Variants in HCN1 observed in about 807,000 individuals in gnomAD.
The protein encoded by HCN1 is potassium/sodium hyperpolarization-activated cyclic nucleotide-gated channel 1.
Under a neutral mutation model 78.9 loss-of-function variants are expected in HCN1, and 13 were observed. That is an observed-to-expected ratio of 0.16 (90% CI 0.11 to 0.26). The LOEUF (loss-of-function observed/expected upper bound fraction) is 0.26. Ranked by LOEUF, HCN1 falls within the 10% of genes least tolerant of loss-of-function variation. The pLI, the probability that HCN1 is intolerant of heterozygous loss-of-function variation, is 1.00. For missense variants in HCN1, 810 were observed against 1,154.3 expected (o/e 0.70, Z 4.32); for synonymous variants, 552 against 455.5 (o/e 1.21, Z -2.70).
intron 5 of HCN1, among the ~76,000 whole-genome samples, chr5:45,329,666 T>C (rs1015451662): frequency 1.3e-5 from 2 of 151,458 alleles, no homozygotes; most frequent in Non-Finnish European, 3.0e-5. Context: ...ATATGGGGAA[T>C]AGGTATTTTG....
intron 3 of HCN1, among the ~76,000 whole-genome samples, chr5:45,421,229 AT>A (rs753838182): frequency 6.6e-6 from 1 of 151,942 alleles, no homozygotes; most frequent in African/African-American, 2.4e-5. Context: ...AGCCCGTCTA[AT>A]TTTTTGTATT....
intron 5 of HCN1, among the ~76,000 whole-genome samples, chr5:45,348,203 G>A (rs962374908): frequency 6.6e-6 from 1 of 152,160 alleles, no homozygotes; most frequent in African/African-American, 2.4e-5. Context: ...AGAGTGGGGG[G>A]CCAGTATTCA....
intron 2 of HCN1, among the ~76,000 whole-genome samples, chr5:45,477,883 A>C (rs1741552817): frequency 6.6e-6 from 1 of 152,176 alleles, no homozygotes; most frequent in Non-Finnish European, 1.5e-5. Context: ...CCATTTTTCT[A>C]CAAGCATAGT....
rs117906573 is a variant in HCN1, at chr5:45,452,848, A to G, written c.1011+8998T>C. On this transcript the variant is annotated intron_variant, in intron 3 of 7. Transcript: ENST00000303230. The stretch of plus-strand genomic sequence containing the variant: ...TCTCTAAAAACAACAAACACTTCAA[A>G]AAAAATGATGGGTTATACAATGGGG... Among the ~76,000 whole-genome samples, 113 of 152,176 alleles carry G rather than the reference A, an allele frequency of 7.4e-4. 2 individuals carry two copies. The East Asian group carries it at 0.019, about 25-fold the overall frequency.
intron 2 of HCN1, among the ~76,000 whole-genome samples, chr5:45,551,329 C>G (rs1200804143): frequency 1.3e-5 from 2 of 151,114 alleles, no homozygotes; most frequent in Non-Finnish European, 3.0e-5. Flanking sequence ...AATGTCATAT[C>G]AAGCACATGA....
At chr5:45,381,201 T>A (rs954086091) in intron 4 of HCN1, among the ~76,000 whole-genome samples, 1 of 152,146 alleles carries the variant, frequency 6.6e-6, no homozygotes, top group Non-Finnish European at 1.5e-5. Context: ...AAGATACTTT[T>A]GAAAATAATT....
At chr5:45,345,642 T>A (rs1746686752) in intron 5 of HCN1, among the ~76,000 whole-genome samples, 1 of 152,190 alleles carries the variant, frequency 6.6e-6, no homozygotes, top group African/African-American at 2.4e-5. Context: ...TTTGCTCCAG[T>A]TCCTAACAAG....
At chr5:45,591,912 T>C (rs1458024900) in intron 2 of HCN1, among the ~76,000 whole-genome samples, 7 of 152,194 alleles carry the variant, frequency 4.6e-5, no homozygotes, top group Non-Finnish European at 1.0e-4. Context: ...AGGAGTTTTA[T>C]AGTTTTGTAT....
At chr5:45,381,332 C>T (rs1043027070) in intron 4 of HCN1, among the ~76,000 whole-genome samples, 1 of 152,084 alleles carries the variant, frequency 6.6e-6, no homozygotes, top group African/African-American at 2.4e-5. Context: ...TCTAGGGTCT[C>T]TCTCTTCTAT....
At chr5:45,591,233 T>C (rs547638731) in intron 2 of HCN1, among the ~76,000 whole-genome samples, 94 of 152,338 alleles carry the variant, frequency 6.2e-4, no homozygotes, top group African/African-American at 2.2e-3. Context: ...TTATAAACAT[T>C]TGTGTGCAGA....
chr5:45,516,691 A>C (rs1332304519), intron 2 of HCN1, among the ~76,000 whole-genome samples: 1 of 151,918 alleles, frequency 6.6e-6, no homozygotes, highest in Non-Finnish European at 1.5e-5. Context: ...CCATAGAAAA[A>C]TTTGATTAAT....
chr5:45,381,491 G>A (rs1390145741), intron 4 of HCN1, among the ~76,000 whole-genome samples: 1 of 152,096 alleles, frequency 6.6e-6, no homozygotes, highest in Non-Finnish European at 1.5e-5. Context: ...TTCATGTAAA[G>A]TTAGTATTTT....
At chr5:45,680,309 CAAGTA>C (rs879709591) in intron 1 of HCN1, among the ~76,000 whole-genome samples, 2 of 151,988 alleles carry the variant, frequency 1.3e-5, no homozygotes, top group Non-Finnish European at 2.9e-5. Context: ...TAACAATGAA[CAAGTA>C]AAGAATTGCT....
chr5:45,582,679 T>C (rs1378901348), intron 2 of HCN1, among the ~76,000 whole-genome samples: 1 of 152,204 alleles, frequency 6.6e-6, no homozygotes, highest in Non-Finnish European at 1.5e-5. Context: ...GCTCTTATTA[T>C]TTTGAGATAC....
rs118115501 is a variant in HCN1 at position 45,434,384 on chromosome 5, C to T, written c.1011+27462G>A. Among the ~76,000 whole-genome samples, 461 of 152,196 alleles carry T rather than the reference C, an allele frequency of 3.0e-3. 20 individuals carry two copies. The East Asian group carries it at 0.072, about 24-fold the overall frequency. ...TTTACACAGCTCTGAAATGGACATC[C>T]GCAGGCAGCCTTCTGAAGTGAAACA... On this transcript the variant is annotated intron_variant, in intron 3 of 7. Transcript: ENST00000303230.
chr5:45,691,353 T>C (rs866521955), intron 1 of HCN1, among the ~76,000 whole-genome samples: 1 of 152,064 alleles, frequency 6.6e-6, no homozygotes, highest in African/African-American at 2.4e-5. Context: ...AACTATCTTA[T>C]AATATTTTAA....
intron 2 of HCN1, among the ~76,000 whole-genome samples, chr5:45,512,873 A>G (rs974106330): frequency 1.4e-4 from 21 of 152,166 alleles, no homozygotes; most frequent in Non-Finnish European, 2.9e-4. Flanking sequence ...TGAAAGGCAA[A>G]TATGAGGTTT....
At chr5:45,328,856 G>T (rs573058336) in intron 5 of HCN1, among the ~76,000 whole-genome samples, 10 of 151,766 alleles carry the variant, frequency 6.6e-5, no homozygotes, top group African/African-American at 2.4e-4. Flanking sequence ...GTTAATAAGC[G>T]ATATTAGCAT....
intron 2 of HCN1, among the ~76,000 whole-genome samples, chr5:45,626,163 T>C (rs921702264): frequency 1.3e-5 from 2 of 152,244 alleles, no homozygotes; most frequent in African/African-American, 2.4e-5. Context: ...ACCCAAATCA[T>C]GTGTATGTCA....
Sources: gnomAD v4.1 joint callset for allele counts (sites outside exome capture counted in the v4.1 genomes callset) on GRCh38, gnomAD v4.1.1 for gene constraint, MANE v1.5 for transcripts, NCBI Gene and HGNC (gene_info 2026-07-23, HGNC 2026-07-21) for gene names.